The following KCNN2 variants were observed in gnomAD, a reference collection of about 807,000 sequenced individuals.
The protein encoded by KCNN2 is small conductance calcium-activated potassium channel protein 2.
In KCNN2, 24 loss-of-function variants were observed where a neutral mutation model predicts 55.5. That is an observed-to-expected ratio of 0.43 (90% CI 0.31 to 0.61). The LOEUF (loss-of-function observed/expected upper bound fraction) is 0.61. Ranked by LOEUF, KCNN2 falls within the 20% of genes least tolerant of loss-of-function variation. The pLI is 0.08. For synonymous variants in KCNN2, 431 were observed against 336.1 expected (o/e 1.28, Z -3.09); for missense variants, 754 against 853.6 (o/e 0.88, Z 1.45).
intron 3 of KCNN2, among the ~76,000 whole-genome samples, chr5:114,439,497 G>A (rs1303042240): frequency 6.6e-6 from 1 of 152,076 alleles, no homozygotes; most frequent in African/African-American, 2.4e-5. Context: ...GTGGTTCTCA[G>A]TCTTGACACC....
rs1754638066 is a variant in KCNN2 at position 114,241,768 on chromosome 5, A to ATACG, written c.-185+20205_-185+20206insCGTA. Among the ~76,000 whole-genome samples, 3 of 15,172 alleles carry ATACG rather than the reference A, an allele frequency of 2.0e-4. 1 individual carries two copies. Among genetic ancestry groups the ATACG allele is most frequent in the East Asian group, 3.4e-3 (1 of 298 alleles). 10.0% of individuals were successfully genotyped at this position (15,172 alleles called of 152,430 possible). A position where few individuals can be genotyped will look rare whatever the true frequency, so the allele number is the denominator to read the frequency against. On this transcript the variant is annotated intron_variant, in intron 2 of 10. Transcript: ENST00000512097. ...TATATATATGTATATATATACGTAT[A>ATACG]TATATACATATATACGTATATATAT...
chr5:114,063,383 CAG>C (rs1166746757), intron 1 of KCNN2, among the ~76,000 whole-genome samples: 1 of 152,158 alleles, frequency 6.6e-6, no homozygotes, highest in Admixed American at 6.5e-5. Context: ...ATAGTAGAGA[CAG>C]AGGAAGATGA....
intron 2 of KCNN2, among the ~76,000 whole-genome samples, chr5:114,375,818 CTTA>C (rs1407107915): frequency 6.6e-6 from 1 of 151,310 alleles, no homozygotes; most frequent in East Asian, 1.9e-4. Context: ...CTCCAATATG[CTTA>C]TTATTATTAT....
chr5:114,400,908 T>A (rs1758766366), intron 2 of KCNN2, among the ~76,000 whole-genome samples: 1 of 152,148 alleles, frequency 6.6e-6, no homozygotes, highest in Non-Finnish European at 1.5e-5. Context: ...GTTTCTTTCC[T>A]TCATAACAAT....
rs144280430 is a variant in KCNN2, at chr5:114,352,027, T to C, written c.-184-8918T>C. ...TTGCTATTAATTGTGTTAAGTATAC[T>C]ACAGATTCACCAGCGAAGCCAACAG... On this transcript the variant is annotated intron_variant, in intron 2 of 10. Coordinates refer to the KCNN2 transcript ENST00000512097. Among the ~76,000 whole-genome samples, 356 of 151,908 alleles carry C rather than the reference T, an allele frequency of 2.3e-3. 8 individuals carry two copies. Among genetic ancestry groups the C allele is most frequent in the Admixed American group, 0.019 (290 of 15,248 alleles).
chr5:114,078,043 G>A (rs1317457560), intron 1 of KCNN2, among the ~76,000 whole-genome samples: 2 of 152,126 alleles, frequency 1.3e-5, no homozygotes, highest in African/African-American at 2.4e-5. Flanking sequence ...TGAGGAAAAC[G>A]ATCAGTACAG....
intron 2 of KCNN2, among the ~76,000 whole-genome samples, chr5:114,340,209 C>T (rs938159268): frequency 2.6e-4 from 40 of 152,236 alleles, no homozygotes; most frequent in African/African-American, 6.3e-4. Context: ...TTTTCACCTA[C>T]GAAGAGAGAA....
chr5:114,288,525 CACACAT>C (rs1203996420), intron 2 of KCNN2, among the ~76,000 whole-genome samples: 2 of 151,500 alleles, frequency 1.3e-5, no homozygotes, highest in East Asian at 1.9e-4. Flanking sequence ...CACACACACA[CACACAT>C]ACACATAGAT....
At chr5:114,137,692 C>T (rs536926174) in intron 1 of KCNN2, among the ~76,000 whole-genome samples, 1 of 151,834 alleles carries the variant, frequency 6.6e-6, no homozygotes, top group South Asian at 2.1e-4. Context: ...CTCATTGGCT[C>T]TAGAAATCTA....
At chr5:114,056,219 C>G (rs1157658831) in exon 1 of KCNN2, 1 of 395,510 alleles carries the variant, frequency 2.5e-6, no homozygotes, top group East Asian at 3.6e-5. Context: ...GCCCGCGCCC[C>G]GGAGCTCTCC....
At chr5:114,437,274 G>A (rs751569408) in intron 3 of KCNN2, among the ~76,000 whole-genome samples, 7 of 152,124 alleles carry the variant, frequency 4.6e-5, no homozygotes, top group South Asian at 2.1e-4. Context: ...AACAGCAGTC[G>A]AGGAATTGAA....
rs190565302 is a variant in KCNN2 at position 114,213,143 on chromosome 5, C to T, written c.-270-8337C>T. On this transcript the variant is annotated intron_variant, in intron 1 of 10. Coordinates refer to the KCNN2 transcript ENST00000512097. ...TCAAGGCCATTAGAAATTCCTTTGT[C>T]TCCATAGTTGATAATATTCAGGTCT... Among the ~76,000 whole-genome samples, 6 of 152,052 alleles carry T rather than the reference C, an allele frequency of 3.9e-5. No individual in the cohort carries two copies. In the Middle Eastern group the frequency reaches 0.01, roughly 259 times the overall value.
chr5:114,386,686 C>A lies in KCNN2; in HGVS notation c.1219-17752C>A, dbSNP rs57753247. Among the ~76,000 whole-genome samples, 735 of 152,230 alleles carry A rather than the reference C, an allele frequency of 4.8e-3. 8 individuals are homozygous for A. Among genetic ancestry groups the A allele is most frequent in the African/African-American group, 0.016 (684 of 41,532 alleles). The stretch of plus-strand genomic sequence containing the variant: ...CCAAGATTTATTTCTCTCATTCTTA[C>A]TCTATGTATTTGTAATATAAGCACC... On this transcript the variant is annotated intron_variant, in intron 2 of 7. Coordinates refer to ENST00000673685, the MANE Select transcript of KCNN2 (RefSeq NM_021614.4).
intron 3 of KCNN2, among the ~76,000 whole-genome samples, chr5:114,405,999 C>T (rs943937677): frequency 2.6e-4 from 39 of 151,224 alleles, no homozygotes; most frequent in African/African-American, 9.0e-4. Flanking sequence ...CGTGAGCCAC[C>T]GCACCAGGCC....
chr5:114,421,508 C>G (rs1759470913), intron 3 of KCNN2, among the ~76,000 whole-genome samples: 1 of 151,480 alleles, frequency 6.6e-6, no homozygotes, highest in Non-Finnish European at 1.5e-5. Context: ...CCACGCTGGT[C>G]TCGAACTCCT....
At chr5:114,115,109 T>G (rs900904598) in intron 1 of KCNN2, among the ~76,000 whole-genome samples, 2 of 152,158 alleles carry the variant, frequency 1.3e-5, no homozygotes, top group African/African-American at 4.8e-5. Flanking sequence ...CTCTTTGCTC[T>G]GAATGAATTT....
At chr5:114,194,069 T>G (rs1276452044) in intron 1 of KCNN2, among the ~76,000 whole-genome samples, 2 of 152,120 alleles carry the variant, frequency 1.3e-5, no homozygotes, top group Non-Finnish European at 2.9e-5. Flanking sequence ...TCACTTCATC[T>G]GTTGATAGTC....
At chr5:114,105,072 A>G (rs927470612) in intron 1 of KCNN2, among the ~76,000 whole-genome samples, 1 of 151,950 alleles carries the variant, frequency 6.6e-6, no homozygotes, top group African/African-American at 2.4e-5. Flanking sequence ...ACAATTATAT[A>G]CCCCAGGAAA....
chr5:114,357,502 A>G (rs1757317659), upstream of KCNN2, among the ~76,000 whole-genome samples: 1 of 122,790 alleles, frequency 8.1e-6, no homozygotes, highest in Admixed American at 8.7e-5. Context: ...TCCTGTGTCC[A>G]TGTGATCTCA....
Sources: gnomAD v4.1 joint callset for allele counts (sites outside exome capture counted in the v4.1 genomes callset) on GRCh38, gnomAD v4.1.1 for gene constraint, MANE v1.5 for transcripts, NCBI Gene and HGNC (gene_info 2026-07-23, HGNC 2026-07-21) for gene names.